FOXI3: variants seen among roughly 807,000 people sequenced by gnomAD.
The protein encoded by FOXI3 is forkhead box protein I3.
FOXI3 carries 4 observed loss-of-function variants against 15.6 expected under a neutral mutation model. That is an observed-to-expected ratio of 0.26 (90% confidence interval 0.13 to 0.59). The LOEUF (loss-of-function observed/expected upper bound fraction) is 0.59. Among genes scored for constraint, FOXI3 ranks in the 20% least tolerant of loss-of-function variants. The pLI is 0.90. For missense variants in FOXI3, 489 were observed against 548.2 expected, an observed-to-expected ratio of 0.89 and a Z score of 1.08; for synonymous variants, 238 against 244.4, an observed-to-expected ratio of 0.97 and a Z score of 0.25.
In FOXI3 at chr2:88,447,273, G is replaced by A. The variant is rs1675953862; in HGVS notation, c.*934C>T. On this transcript the variant is annotated 3_prime_UTR_variant, in exon 2 of 2. Transcript: ENST00000428390. ...CATGTACCAGACAGAGGTGATTTGT[G>A]AGCTGCCTATGCATAGCTCAAGGAT... 6.6e-6 allele frequency: 1 copy of A among 152,192 alleles called. No homozygotes were observed. The highest frequency in any genetic ancestry group is 1.5e-5 in the Non-Finnish European group (1 of 68,052). The allele number at this position is 152,192 out of a possible 1,614,324, so 9.4% of individuals were successfully genotyped here.
chr2:88,452,308 C>G lies in FOXI3; in HGVS notation c.228G>C (p.Leu76=). Residue 76 remains leucine (L), a synonymous_variant, in exon 1 of 2, where the codon CTG becomes CTC. Coordinates refer to ENST00000428390, the MANE Select transcript of FOXI3 (RefSeq NM_001135649.3). ...SAAAAAAAAY[L]GAPPPPPPPG... ...GGGGCGGCGGCGGCGGCGGAGCGCC[C>G]AGGTACGCGGCGGCGGCTGCGGCGG... 3 of 981,694 alleles carry G rather than the reference C, an allele frequency of 3.1e-6. No homozygotes were observed. The highest frequency in any genetic ancestry group is 3.6e-6 in the Non-Finnish European group (3 of 829,038). 60.8% of individuals were successfully genotyped at this position (981,694 alleles called of 1,614,324 possible).
chr2:88,452,423 C>A lies in FOXI3; in HGVS notation c.113G>T (p.Gly38Val), dbSNP rs1251422571. The change falls in exon 1 of 2, where the codon GGG becomes GTG. Residue 38 changes from glycine to valine, a missense_variant. Coordinates refer to ENST00000428390, the MANE Select transcript of FOXI3 (RefSeq NM_001135649.3). The stretch of plus-strand genomic sequence containing the variant: ...CGGCGGCGCGGCGTAGTCGGCCAGC[C>A]CGTAAGGCGCCCTGGCTGCCGGGGG... ...GAPPAARAPY[G>V]LADYAAPPAA... The A allele has an allele frequency of 2.7e-5, 27 of 1,016,202 alleles. No individual in the cohort carries two copies. The South Asian group carries it at 8.5e-4, about 32-fold the overall frequency. 62.9% of individuals were successfully genotyped at this position (1,016,202 alleles called of 1,614,324 possible). A position where few individuals can be genotyped will look rare whatever the true frequency, so the allele number is the denominator to read the frequency against.
chr2:88,448,364 C>T lies in FOXI3; in HGVS notation c.1106G>A (p.Ser369Asn). Reference sequence around the variant, plus strand: ...GCCGGTGCTATTGCTGGTGCTATTGCTCAGTTGCAAGGTGTCTGCTGAGGC... The same window carrying T: ...GCCGGTGCTATTGCTGGTGCTATTGTTCAGTTGCAAGGTGTCTGCTGAGGC... ...SEASADTLQL[S>N]NSTSNSTGQR... The change falls in exon 2 of 2, where the codon AGC becomes AAC. Residue 369 changes from serine (S) to asparagine (N), a missense_variant. Around this residue, in one of 3 missense-constraint regions of FOXI3, gnomAD observed 263 missense variants for 285.5 expected, o/e 0.92. Transcript: ENST00000428390. The T allele has an allele frequency of 6.4e-7, 1 of 1,551,670 alleles. No homozygotes were observed. Among genetic ancestry groups the T allele is most frequent in the South Asian group, 1.2e-5 (1 of 84,026 alleles).
In FOXI3 at chr2:88,452,249, G is replaced by T; in HGVS notation, c.287C>A (p.Pro96Gln). The T allele has an allele frequency of 9.6e-7, 1 of 1,037,522 alleles. No homozygotes were observed. The highest frequency in any genetic ancestry group is 1.2e-6 in the Non-Finnish European group (1 of 866,442). The allele number at this position is 1,037,522 out of a possible 1,614,324, so 64.3% of individuals were successfully genotyped here. A position where few individuals can be genotyped will look rare whatever the true frequency, so the allele number is the denominator to read the frequency against. The change falls in exon 1 of 2, where the codon CCG becomes CAG. Residue 96 changes from proline (P) to glutamine (Q), a missense_variant. This residue lies in a region of FOXI3 where 224 missense variants were observed against 245.7 expected (regional missense o/e 0.91). Transcript: ENST00000428390. ...GAAAGPFLQPPPAAGTFGCSQ... is the reference protein window; with the variant it reads ...GAAAGPFLQPQPAAGTFGCSQ... ...GCAGCCGAAGGTGCCGGCGGCAGGCGGTGGCTGCAGAAAGGGCCCGGCCGC... is the reference window on the plus strand; with the variant it reads ...GCAGCCGAAGGTGCCGGCGGCAGGCTGTGGCTGCAGAAAGGGCCCGGCCGC...
rs773179531 is a variant in FOXI3, at chr2:88,448,145, C to G, written c.*62G>C. ...TACCCCAGACCTACTGACTTGGAAT[C>G]TGCATTCTAATCAGCATGTGTGCAC... On this transcript the variant is annotated 3_prime_UTR_variant, in exon 2 of 2. Transcript: ENST00000428390. 285 of 1,435,154 alleles carry G rather than the reference C, an allele frequency of 2.0e-4. No homozygotes were observed. Among genetic ancestry groups the G allele is most frequent in the Admixed American group, 3.5e-4 (16 of 45,482 alleles). 88.9% of individuals were successfully genotyped at this position (1,435,154 alleles called of 1,614,324 possible).
Position 88,448,620 on chromosome 2 carries a change from G to A in FOXI3, c.850C>T (p.Pro284Ser), listed in dbSNP as rs540518405. ...EEESPSTLLR[P>S]SHSPEPPEGT... Reference sequence around the variant, plus strand: ...TCCGGAGGCTCTGGGGAGTGGGAAGGCCTCAGCAGAGTGGAGGGGCTCTCT... The same window carrying A: ...TCCGGAGGCTCTGGGGAGTGGGAAGACCTCAGCAGAGTGGAGGGGCTCTCT... Residue 284 changes from proline to serine, a missense_variant, in exon 2 of 2, where the codon CCT (proline) becomes TCT (serine). Coordinates refer to ENST00000428390, the MANE Select transcript of FOXI3 (RefSeq NM_001135649.3). 1 of 1,551,680 alleles carries A rather than the reference G, an allele frequency of 6.4e-7. No individual in the cohort carries two copies. Among genetic ancestry groups the A allele is most frequent in the South Asian group, 1.2e-5 (1 of 84,052 alleles).
Position 88,448,424 on chromosome 2 carries a change from G to C in FOXI3, c.1046C>G (p.Ser349Cys). ...GGAGGTCGGGGAGAACACGCCGCTG[G>C]AGGGCAGCTGGGCCCCCTGGATCCC... Reference protein sequence around the residue: ...HLGIQGAQLPSSGVFSPTSIS... With the variant: ...HLGIQGAQLPCSGVFSPTSIS... Residue 349 changes from serine (S) to cysteine (C), a missense_variant, in exon 2 of 2, where the codon TCC (serine) becomes TGC (cysteine). Ser to Cys is a moderately radical substitution (Grantham distance 112, BLOSUM62 -1). Transcript: ENST00000428390. 4 of 1,551,712 alleles carry C rather than the reference G, an allele frequency of 2.6e-6. No individual in the cohort carries two copies. The highest frequency in any genetic ancestry group is 3.5e-6 in the Non-Finnish European group (4 of 1,146,986).
In FOXI3 at chr2:88,452,433, C is replaced by G. The variant is rs1676070105; in HGVS notation, c.103G>C (p.Ala35Pro). ...GCGTAGTCGGCCAGCCCGTAAGGCGCCCTGGCTGCCGGGGGGGCGCCCGGG... is the reference window on the plus strand; with the variant it reads ...GCGTAGTCGGCCAGCCCGTAAGGCGGCCTGGCTGCCGGGGGGGCGCCCGGG... ...AAPGAPPAAR[A>P]PYGLADYAAP... The change falls in exon 1 of 2, where the codon GCG becomes CCG. Residue 35 changes from alanine to proline, a missense_variant. This residue lies in a region of FOXI3 where 224 missense variants were observed against 245.7 expected (regional missense o/e 0.91). Transcript: ENST00000428390. 2 of 1,031,208 alleles carry G rather than the reference C, an allele frequency of 1.9e-6. No individual in the cohort carries two copies. The highest frequency in any genetic ancestry group is 3.5e-5 in the African/African-American group (2 of 57,106). The allele number at this position is 1,031,208 out of a possible 1,614,324, so 63.9% of individuals were successfully genotyped here.
chr2:88,448,430 A>C lies in FOXI3; in HGVS notation c.1040T>G (p.Leu347Arg). Residue 347 changes from leucine (L) to arginine (R), a missense_variant, in exon 2 of 2, where the codon CTG (leucine) becomes CGG (arginine). Physicochemically the swap from Leu to Arg is moderately radical, Grantham distance 102 (BLOSUM62 -2). Coordinates refer to ENST00000428390, the MANE Select transcript of FOXI3 (RefSeq NM_001135649.3). ...CGGGGAGAACACGCCGCTGGAGGGC[A>C]GCTGGGCCCCCTGGATCCCTAGGTG... is the stretch of plus-strand genomic sequence containing the variant. ...SRHLGIQGAQ[L>R]PSSGVFSPTS... 6.4e-7 allele frequency: 1 copy of C among 1,551,706 alleles called. No individual in the cohort carries two copies. Among genetic ancestry groups the C allele is most frequent in the Non-Finnish European group, 8.7e-7 (1 of 1,147,002 alleles).
At chr2:88,450,158 C>CGT (rs371311988) in intron 1 of FOXI3, among the ~76,000 whole-genome samples, 1 of 76,904 alleles carries the variant, frequency 1.3e-5, no homozygotes, top group Non-Finnish European at 2.3e-5. Flanking sequence ...TCTTGCTGGG[C>CGT]GCTGGCTCAC....
chr2:88,448,534 G>A lies in FOXI3; in HGVS notation c.936C>T (p.Leu312=), dbSNP rs1675987387. 1 of 1,551,570 alleles carries A rather than the reference G, an allele frequency of 6.4e-7. No individual in the cohort carries two copies. ...GGPMLTSTPC[L]NTFFSSLSSL... ...AGCTGAGGCTGCTGAAGAAAGTGTT[G>A]AGACAAGGGGTGGAGGTGAGCATGG... Residue 312 remains leucine, a synonymous_variant, in exon 2 of 2, where the codon CTC becomes CTT. Coordinates refer to ENST00000428390, the MANE Select transcript of FOXI3 (RefSeq NM_001135649.3).
At position 88,448,587 on chromosome 2, in the gene FOXI3, T is replaced by C; in HGVS notation, c.883A>G (p.Lys295Glu). Residue 295 changes from lysine to glutamate, a missense_variant, in exon 2 of 2, where the codon AAG becomes GAG. Physicochemically the swap from Lys to Glu is moderately conservative, Grantham distance 56. This residue lies in a region of FOXI3 where 263 missense variants were observed against 285.5 expected (regional missense o/e 0.92). Coordinates refer to ENST00000428390, the MANE Select transcript of FOXI3 (RefSeq NM_001135649.3). ...SHSPEPPEGTKSTASSPGGPM... is the reference protein window; with the variant it reads ...SHSPEPPEGTESTASSPGGPM... ...CCTCCAGGAGATGAGGCAGTACTCT[T>C]GGTGCCCTCCGGAGGCTCTGGGGAG... The C allele has an allele frequency of 1.3e-6, 2 of 1,551,586 alleles. No homozygotes were observed. Among genetic ancestry groups the C allele is most frequent in the African/African-American group, 1.4e-5 (1 of 73,170 alleles).
intron 1 of FOXI3, 77 bp downstream of exon 1, chr2:88,451,819 C>T (rs1454992691): frequency 6.5e-7 from 1 of 1,545,904 alleles, no homozygotes; most frequent in African/African-American, 1.4e-5. Flanking sequence ...CTTCCAGCCG[C>T]ACACCGACCC....
intron 1 of FOXI3, among the ~76,000 whole-genome samples, chr2:88,451,499 G>A (rs1035415686): frequency 1.3e-5 from 2 of 152,106 alleles, no homozygotes; most frequent in African/African-American, 4.8e-5. Context: ...TCTGCGAAAC[G>A]TGATGGAAAT....
intron 1 of FOXI3, among the ~76,000 whole-genome samples, chr2:88,450,440 A>AAC (rs1558611394): frequency 4.6e-5 from 7 of 151,578 alleles, no homozygotes; most frequent in Admixed American, 2.6e-4. Context: ...AAAAAAAAAA[A>AAC]ACCTCAGCAT....
chr2:88,452,239 G>A lies in FOXI3; in HGVS notation c.297C>T (p.Ala99=), dbSNP rs1676063845. ...GCCGCTGAGAGCAGCCGAAGGTGCC[G>A]GCGGCAGGCGGTGGCTGCAGAAAGG... ...AGPFLQPPPA[A]GTFGCSQRPF... Residue 99 remains alanine (A), a synonymous_variant, in exon 1 of 2, where the codon GCC becomes GCT. Coordinates refer to ENST00000428390, the MANE Select transcript of FOXI3 (RefSeq NM_001135649.3). 11 of 1,061,034 alleles carry A rather than the reference G, an allele frequency of 1.0e-5. No homozygotes were observed. Among genetic ancestry groups the A allele is most frequent in the African/African-American group, 1.7e-5 (1 of 58,634 alleles). The allele number at this position is 1,061,034 out of a possible 1,614,324, so 65.7% of individuals were successfully genotyped here. A position where few individuals can be genotyped will look rare whatever the true frequency, so the allele number is the denominator to read the frequency against.
At chr2:88,450,212 C>T (rs2104260899) in intron 1 of FOXI3, among the ~76,000 whole-genome samples, 1 of 152,260 alleles carries the variant, frequency 6.6e-6, no homozygotes. Context: ...GGGTGGGTCA[C>T]TTGAAGCTTA....
intron 1 of FOXI3, among the ~76,000 whole-genome samples, chr2:88,451,293 A>C (rs1398753575): frequency 1.3e-5 from 2 of 152,220 alleles, no homozygotes; most frequent in Non-Finnish European, 2.9e-5. Flanking sequence ...TAAGGTACCC[A>C]AACTGCAATT....
chr2:88,449,627 T>G (rs1676008254), intron 1 of FOXI3, among the ~76,000 whole-genome samples: 1 of 152,258 alleles, frequency 6.6e-6, no homozygotes, highest in East Asian at 1.9e-4. Flanking sequence ...GCCTCATTTT[T>G]CTGCATGTAA....
Sources: gnomAD v4.1 joint callset for allele counts (sites outside exome capture counted in the v4.1 genomes callset) on GRCh38, gnomAD v4.1.1 for gene constraint, gnomAD v4.1.1 regional missense constraint, MANE v1.5 for transcripts, NCBI Gene and HGNC (gene_info 2026-07-23, HGNC 2026-07-21) for gene names.